The following PPFIA1 variants were observed in gnomAD, a reference collection of about 807,000 sequenced individuals.
PPFIA1 encodes the protein liprin-alpha-1.
PPFIA1 carries 25 observed loss-of-function variants against 149.9 expected under a neutral mutation model. That is an observed-to-expected ratio of 0.17 (90% CI 0.12 to 0.23). The LOEUF (loss-of-function observed/expected upper bound fraction) is 0.23. PPFIA1 is among the 10% of genes least tolerant of loss of function. The pLI, the probability that PPFIA1 is intolerant of heterozygous loss-of-function variation, is 1.00. For missense variants in PPFIA1, 1,362 were observed against 1,506.5 expected, an observed-to-expected ratio of 0.90 and a Z score of 1.59; for synonymous variants, 549 against 552.8, an observed-to-expected ratio of 0.99 and a Z score of 0.10.
chr11:70,287,636 T>G (rs2051235759), intron 2 of PPFIA1, among the ~76,000 whole-genome samples: 1 of 151,720 alleles, frequency 6.6e-6, no homozygotes, highest in South Asian at 2.1e-4. Flanking sequence ...GCCTTTTTTT[T>G]TTGTTTTTTA....
chr11:70,335,732 C>T (rs1253240234), intron 11 of PPFIA1, 38 bp downstream of exon 11: 7 of 1,609,756 alleles, frequency 4.3e-6, no homozygotes, highest in Non-Finnish European at 5.9e-6. Flanking sequence ...AGCTTTCCCA[C>T]CCTCTGCCAA....
chr11:70,315,815 C>G (rs2053586502), intron 2 of PPFIA1, among the ~76,000 whole-genome samples: 1 of 151,132 alleles, frequency 6.6e-6, no homozygotes, highest in Non-Finnish European at 1.5e-5. Context: ...CACACATTTC[C>G]AGAACTTCCT....
intron 2 of PPFIA1, among the ~76,000 whole-genome samples, chr11:70,288,427 G>A (rs2051301905): frequency 6.6e-6 from 1 of 152,110 alleles, no homozygotes; most frequent in African/African-American, 2.4e-5. Context: ...CTCCTTCTTG[G>A]TGATAGAAAG....
Position 70,272,260 on chromosome 11 carries a change from C to T in PPFIA1, c.88C>T (p.Pro30Ser). 3.7e-6 allele frequency: 6 copies of T among 1,614,186 alleles called. No individual in the cohort carries two copies. Among genetic ancestry groups the T allele is most frequent in the Non-Finnish European group, 4.2e-6 (5 of 1,180,028 alleles). Residue 30 changes from proline (P) to serine (S), a missense_variant, in exon 2 of 28, where the codon CCA (proline) becomes TCA (serine). Physicochemically the swap from Pro to Ser is moderately conservative, Grantham distance 74. Around this residue, in one of 7 missense-constraint regions of PPFIA1, gnomAD observed 100 missense variants for 106.2 expected, o/e 0.94. Coordinates refer to ENST00000253925, the MANE Select transcript of PPFIA1 (RefSeq NM_003626.5). ...GGHGSGSPSQ[P>S]DADSHFEQLM... ...CCATGGTTCCGGCTCCCCTTCACAG[C>T]CAGATGCAGATTCACATTTTGAACA...
intron 14 of PPFIA1, among the ~76,000 whole-genome samples, chr11:70,343,227 A>G (rs961447741): frequency 6.6e-6 from 1 of 152,222 alleles, no homozygotes. Flanking sequence ...GTTTACAGGT[A>G]TGTGCCACCA....
At chr11:70,340,849 AG>A (rs1448807482) in intron 14 of PPFIA1, 1 of 360,300 alleles carries the variant, frequency 2.8e-6, no homozygotes, top group African/African-American at 2.3e-5. Flanking sequence ...CAATCTGGCA[AG>A]GCTGGAGCCA....
intron 2 of PPFIA1, among the ~76,000 whole-genome samples, chr11:70,320,585 G>A (rs1005456958): frequency 7.2e-5 from 11 of 151,792 alleles, no homozygotes; most frequent in African/African-American, 2.4e-4. Flanking sequence ...CGCATGGTGT[G>A]TGCCACCATG....
chr11:70,362,292 G>C lies in PPFIA1; in HGVS notation c.2669G>C (p.Trp890Ser), dbSNP rs1318425948. 4 of 1,614,008 alleles carry C rather than the reference G, an allele frequency of 2.5e-6. No individual in the cohort carries two copies. Among genetic ancestry groups the C allele is most frequent in the African/African-American group, 2.7e-5 (2 of 74,928 alleles). ...CCTTCCGCTTTCCGCCTCCAGCTCTGGGTTGGGATGCCAGCCTGGTATGTG... is the reference window on the plus strand; with the variant it reads ...CCTTCCGCTTTCCGCCTCCAGCTCTCGGTTGGGATGCCAGCCTGGTATGTG... ...GPTVVVWLEL[W>S]VGMPAWYVAA... Residue 890 changes from tryptophan (W) to serine (S), a missense_variant, in exon 21 of 28, where the codon TGG (tryptophan) becomes TCG (serine). Trp to Ser is a radical substitution (Grantham distance 177). This residue lies in a region of PPFIA1 where 91 missense variants were observed against 91.2 expected (regional missense o/e 1.00). Coordinates refer to ENST00000253925, the MANE Select transcript of PPFIA1 (RefSeq NM_003626.5).
intron 2 of PPFIA1, among the ~76,000 whole-genome samples, chr11:70,289,506 G>A (rs1019634868): frequency 2.0e-5 from 3 of 152,046 alleles, no homozygotes; most frequent in Non-Finnish European, 4.4e-5. Flanking sequence ...ACAACCCTTC[G>A]AATGAAGTTT....
intron 2 of PPFIA1, among the ~76,000 whole-genome samples, chr11:70,312,591 C>T (rs776614422): frequency 3.9e-5 from 6 of 152,222 alleles, no homozygotes; most frequent in Non-Finnish European, 7.3e-5. Context: ...ATCAGCTCCA[C>T]AGGTGGTTAC....
At position 70,330,303 on chromosome 11, in the gene PPFIA1, A is replaced by G. The variant is rs756758853; in HGVS notation, c.1061A>G (p.Asp354Gly). 6.3e-7 allele frequency: 1 copy of G among 1,584,472 alleles called. No homozygotes were observed. The highest frequency in any genetic ancestry group is 8.6e-7 in the Non-Finnish European group (1 of 1,169,230). The change falls in exon 8 of 28, where the codon GAT becomes GGT. Residue 354 changes from aspartate to glycine, a missense_variant. Asp to Gly is a moderately conservative substitution (Grantham distance 94). Transcript: ENST00000253925. ...CTTGAAAATGAAATTGCAAATAAAG[A>G]TTCTATGCATCGACAGGTAATGGAT... is the stretch of plus-strand genomic sequence containing the variant. ...DKLENEIANK[D>G]SMHRQTEDKN...
intron 2 of PPFIA1, among the ~76,000 whole-genome samples, chr11:70,284,501 C>A (rs184842650): frequency 3.6e-4 from 55 of 152,156 alleles, no homozygotes; most frequent in Non-Finnish European, 6.8e-4. Context: ...GTGGTAGAGA[C>A]AGGGTCTCTG....
At chr11:70,349,411 G>T (rs2055916315) in intron 16 of PPFIA1, among the ~76,000 whole-genome samples, 1 of 152,072 alleles carries the variant, frequency 6.6e-6, no homozygotes, top group African/African-American at 2.4e-5. Flanking sequence ...TGGGAGGATT[G>T]CTTGAGCTAG....
At position 70,369,983 on chromosome 11, in the gene PPFIA1, C is replaced by T. The variant is rs950794574; in HGVS notation, c.2866-2232C>T. Reference sequence around the variant, plus strand: ...TTTTTCTTTTTTTGAGATGGGGCCTCGCTCTGCTGCCCAGGCTGGAGTGCA... The same window carrying T: ...TTTTTCTTTTTTTGAGATGGGGCCTTGCTCTGCTGCCCAGGCTGGAGTGCA... On this transcript the variant is annotated intron_variant, in intron 21 of 27. Transcript: ENST00000253925. Among the ~76,000 whole-genome samples the T allele has an allele frequency of 4.6e-5, 7 of 151,376 alleles. No individual in the cohort carries two copies. The East Asian group carries it at 9.7e-4, about 21-fold the overall frequency.
At chr11:70,376,382 G>A (rs1053745409) in intron 24 of PPFIA1, 150 bp from the exon 25 acceptor site, 21 of 720,660 alleles carry the variant, frequency 2.9e-5, no homozygotes, top group South Asian at 8.9e-5. Context: ...CCGCCTTGGC[G>A]TCCGAAAGTG....
rs753083031 is a variant in PPFIA1 at position 70,324,521 on chromosome 11, G to A, written c.366+18G>A. Reference sequence around the variant, plus strand: ...ACACCAGGGTGAGTGTGACCTTTCTGTTCACTGCCTGCCCCTGGAGCCACT... The same window carrying A: ...ACACCAGGGTGAGTGTGACCTTTCTATTCACTGCCTGCCCCTGGAGCCACT... On this transcript the variant is annotated intron_variant, in intron 3 of 27. Transcript: ENST00000253925. The A allele has an allele frequency of 6.4e-7, 1 of 1,574,662 alleles. No individual in the cohort carries two copies. Among genetic ancestry groups the A allele is most frequent in the Non-Finnish European group, 8.7e-7 (1 of 1,146,340 alleles).
intron 24 of PPFIA1, among the ~76,000 whole-genome samples, 198 bp from the exon 25 acceptor site, chr11:70,376,334 C>T (rs923043104): frequency 6.6e-6 from 1 of 152,104 alleles, no homozygotes; most frequent in Non-Finnish European, 1.5e-5. Context: ...ACCATGTTGC[C>T]CAGGCTGGTC....
intron 2 of PPFIA1, among the ~76,000 whole-genome samples, chr11:70,276,969 T>C (rs552790269): frequency 6.7e-6 from 1 of 149,470 alleles, no homozygotes; most frequent in Non-Finnish European, 1.5e-5. Flanking sequence ...CATTTTTTTC[T>C]ACTTACATTT....
intron 9 of PPFIA1, 72 bp from the exon 10 acceptor site, chr11:70,333,398 A>T: frequency 8.3e-7 from 1 of 1,200,886 alleles, no homozygotes; most frequent in Non-Finnish European, 1.2e-6. Context: ...GCCTGTTGCC[A>T]CTGCAGTGGT....
Sources: allele counts gnomAD v4.1 joint callset (sites outside exome capture counted in the v4.1 genomes callset), GRCh38; gene constraint gnomAD v4.1.1; regional missense constraint gnomAD v4.1.1; transcripts MANE v1.5; gene names NCBI Gene and HGNC (gene_info 2026-07-23, HGNC 2026-07-21).